The following CCNH variants were observed in gnomAD, a reference collection of about 807,000 sequenced individuals.
CCNH encodes the protein cyclin-H.
CCNH carries 31 observed loss-of-function variants against 41.9 expected under a neutral mutation model. The observed-to-expected ratio is 0.74, with a 90% CI of 0.56 to 1.00. The LOEUF is 1.00. Ranked by LOEUF, CCNH falls within the 50% of genes least tolerant of loss-of-function variation. CCNH has a pLI of 0.00. For missense variants in CCNH, 362 were observed against 388.4 expected, an observed-to-expected ratio of 0.93 and a Z score of 0.57; for synonymous variants, 138 against 136.1, an observed-to-expected ratio of 1.01 and a Z score of -0.10.
chr5:87,337,926 T>G (rs1758092311), intron 9 of CCNH: 1 of 1,522,472 alleles, frequency 6.6e-7, no homozygotes, highest in African/African-American at 1.4e-5. Context: ...TTCTAATCTC[T>G]GTATTTAAAA....
Position 87,412,822 on chromosome 5 carries a change from T to A in CCNH, c.-28A>T. Reference sequence around the variant, plus strand: ...TGGAATCGTGACCAGGTCCAGAGGGTCTGCAGACGAGAACCCAAACGCATC... The same window carrying A: ...TGGAATCGTGACCAGGTCCAGAGGGACTGCAGACGAGAACCCAAACGCATC... On this transcript the variant is annotated 5_prime_UTR_variant, in exon 1 of 9. Coordinates refer to ENST00000256897, the MANE Select transcript of CCNH (RefSeq NM_001239.4). 6.2e-7 allele frequency: 1 copy of A among 1,604,904 alleles called. No individual in the cohort carries two copies. Among genetic ancestry groups the A allele is most frequent in the South Asian group, 1.1e-5 (1 of 90,804 alleles).
downstream of CCNH, chr5:87,392,141 C>T (rs896486384): frequency 1.7e-5 from 7 of 407,956 alleles, no homozygotes; most frequent in African/African-American, 6.2e-5. Context: ...ATGGAACATA[C>T]GTGGCAGAAT....
upstream of CCNH, among the ~76,000 whole-genome samples, chr5:87,379,249 T>C (rs564386563): frequency 5.9e-5 from 9 of 152,250 alleles, no homozygotes; most frequent in Admixed American, 3.9e-4. Flanking sequence ...ATAGTTGGCC[T>C]AACATAAGGA....
chr5:87,395,891 G>C (rs1762918147), intron 7 of CCNH, among the ~76,000 whole-genome samples: 1 of 151,974 alleles, frequency 6.6e-6, no homozygotes, highest in African/African-American at 2.4e-5. Context: ...CGGGGTGTGG[G>C]AGCTGGGGCA....
At chr5:87,314,200 A>G (rs892392544), downstream of CCNH, among the ~76,000 whole-genome samples, 3 of 152,076 alleles carry the variant, frequency 2.0e-5, no homozygotes, top group Non-Finnish European at 2.9e-5. Context: ...AAAAATAAAA[A>G]AATAAAGAAA....
chr5:87,383,291 T>C (rs548500418), intron 9 of CCNH, among the ~76,000 whole-genome samples: 1 of 152,290 alleles, frequency 6.6e-6, no homozygotes, highest in Admixed American at 6.5e-5. Flanking sequence ...AGTTCTAAAA[T>C]TGTACAGAAC....
intron 9 of CCNH, among the ~76,000 whole-genome samples, chr5:87,344,757 G>C (rs898331555): frequency 1.4e-5 from 2 of 147,398 alleles, no homozygotes; most frequent in Admixed American, 6.9e-5. Flanking sequence ...GGCCTCAAGT[G>C]ATCCTCCCAC....
downstream of CCNH, among the ~76,000 whole-genome samples, chr5:87,387,417 A>G (rs933013386): frequency 6.6e-6 from 1 of 152,192 alleles, no homozygotes; most frequent in Non-Finnish European, 1.5e-5. Flanking sequence ...TTGTGATTAC[A>G]AAATTACGAA....
chr5:87,389,725 T>A (rs979081817), downstream of CCNH, among the ~76,000 whole-genome samples: 1 of 152,208 alleles, frequency 6.6e-6, no homozygotes, highest in Non-Finnish European at 1.5e-5. Flanking sequence ...CTGAAAAACA[T>A]CAGGTTTTGC....
chr5:87,405,985 G>C (rs1763760858), intron 4 of CCNH, among the ~76,000 whole-genome samples: 1 of 152,076 alleles, frequency 6.6e-6, no homozygotes, highest in Non-Finnish European at 1.5e-5. Context: ...ACACTGCCAA[G>C]CAACCATAGT....
intron 9 of CCNH, among the ~76,000 whole-genome samples, chr5:87,340,661 A>G (rs755568201): frequency 4.6e-5 from 7 of 152,164 alleles, no homozygotes; most frequent in Non-Finnish European, 8.8e-5. Flanking sequence ...TGAAAGTAGA[A>G]GTTGATGTTC....
At chr5:87,412,474 G>C in intron 1 of CCNH, 2 of 1,416,136 alleles carry the variant, frequency 1.4e-6, no homozygotes, top group East Asian at 5.2e-5. Flanking sequence ...TTACTTGTCT[G>C]CCATTCGACG....
chr5:87,340,294 C>T (rs901245355), intron 9 of CCNH, among the ~76,000 whole-genome samples: 4 of 152,086 alleles, frequency 2.6e-5, no homozygotes, highest in Non-Finnish European at 5.9e-5. Flanking sequence ...TTCTGTATTT[C>T]CATAGCACCT....
chr5:87,386,363 C>T (rs1762062225), intron 9 of CCNH, among the ~76,000 whole-genome samples: 1 of 152,044 alleles, frequency 6.6e-6, no homozygotes, highest in Non-Finnish European at 1.5e-5. Context: ...TCATCTGAAT[C>T]TTTGAGGCAG....
chr5:87,344,019 A>G lies in CCNH; in HGVS notation c.*91-25122T>C, dbSNP rs781406578. On this transcript the variant is annotated intron_variant and NMD_transcript_variant, in intron 9 of 9. Coordinates refer to the CCNH transcript ENST00000645953. ...TCATATGGGTGCAAAATATTAGAAA[A>G]TTAACTCAGGGAGATAGATAGTAGA... Among the ~76,000 whole-genome samples the G allele has an allele frequency of 2.6e-5, 4 of 152,156 alleles. No homozygotes were observed. The East Asian group carries it at 5.8e-4, about 22-fold the overall frequency.
intron 9 of CCNH, chr5:87,363,322 A>G (rs1454733224): frequency 2.4e-5 from 37 of 1,568,766 alleles, no homozygotes; most frequent in Non-Finnish European, 2.9e-5. Flanking sequence ...TTTGGCTAAG[A>G]GAAAACAATT....
intron 9 of CCNH, among the ~76,000 whole-genome samples, chr5:87,347,781 A>T (rs1458680178): frequency 6.6e-6 from 1 of 152,066 alleles, no homozygotes; most frequent in Admixed American, 6.6e-5. Context: ...AACTAAAATG[A>T]CATTCTGTCA....
chr5:87,378,262 C>T (rs1761457667), upstream of CCNH: 1 of 978,300 alleles, frequency 1.0e-6, no homozygotes, highest in Non-Finnish European at 1.6e-6. Flanking sequence ...GTAATTAGTA[C>T]TTTCAACGCT....
At chr5:87,401,557 C>T (rs1003267325) in intron 6 of CCNH, 145 bp downstream of exon 6, 75 of 605,898 alleles carry the variant, frequency 1.2e-4, no homozygotes, top group African/African-American at 1.2e-3. Flanking sequence ...ACCAATGTGT[C>T]TTTCATGCTT....
Sources: allele counts gnomAD v4.1 joint callset (sites outside exome capture counted in the v4.1 genomes callset), GRCh38; gene constraint gnomAD v4.1.1; transcripts MANE v1.5; gene names NCBI Gene and HGNC (gene_info 2026-07-23, HGNC 2026-07-21).